The following FAM135A variants were observed in gnomAD, a reference collection of about 807,000 sequenced individuals.
FAM135A encodes protein FAM135A.
FAM135A carries 79 observed loss-of-function variants against 146.8 expected under a neutral mutation model. The ratio of observed to expected loss-of-function variants is 0.54; its 90% CI spans 0.45 to 0.65. The LOEUF is 0.65. Among genes scored for constraint, FAM135A ranks in the 30% least tolerant of loss-of-function variants. FAM135A has a pLI of 0.00. For missense variants in FAM135A, 1,623 were observed against 1,758.2 expected (o/e 0.92, Z 1.38); for synonymous variants, 562 against 603.6 (o/e 0.93, Z 1.01).
At position 70,524,676 on chromosome 6, in the gene FAM135A, C is replaced by CAAAT. The variant is rs1427208571; in HGVS notation, c.1593_1596dup (p.Asp533LysfsTer2). On this transcript the variant is annotated frameshift_variant, in exon 15 of 22. Coordinates refer to ENST00000418814, the MANE Select transcript of FAM135A (RefSeq NM_001162529.3). LOFTEE classifies it high-confidence loss of function. ...TACAAATGTTTGAAAAGTACAGCATCAAATGATCTCATTAAATGCTTTGAA... is the reference window on the plus strand; with the variant it reads ...TACAAATGTTTGAAAAGTACAGCATCAAATAAATGATCTCATTAAATGCTTTGAA... The CAAAT allele has an allele frequency of 6.4e-7, 1 of 1,550,902 alleles. No individual in the cohort carries two copies. Among genetic ancestry groups the CAAAT allele is most frequent in the East Asian group, 2.4e-5 (1 of 40,916 alleles).
intron 10 of FAM135A, chr6:70,486,030 G>T (rs1164371384): frequency 7.2e-6 from 4 of 556,598 alleles, no homozygotes; most frequent in African/African-American, 1.9e-5. Flanking sequence ...TACATCATTT[G>T]TAATTTTGAT....
In FAM135A at chr6:70,548,890, A is replaced by G. The variant is rs186185822; in HGVS notation, c.4229-7860A>G. Among the ~76,000 whole-genome samples, 491 of 152,132 alleles carry G rather than the reference A, an allele frequency of 3.2e-3. 3 individuals carry two copies. The highest frequency in any genetic ancestry group is 0.011 in the African/African-American group (461 of 41,564). On this transcript the variant is annotated intron_variant, in intron 20 of 21. Coordinates refer to ENST00000418814, the MANE Select transcript of FAM135A (RefSeq NM_001162529.3). Reference sequence around the variant, plus strand: ...AACCCAAAAGAAAAAAATGGACAAAAGAGAAAAGAGGCAGTTAGCTACCAA... The same window carrying G: ...AACCCAAAAGAAAAAAATGGACAAAGGAGAAAAGAGGCAGTTAGCTACCAA...
At chr6:70,492,066 CT>C in intron 11 of FAM135A, among the ~76,000 whole-genome samples, 1 of 151,762 alleles carries the variant, frequency 6.6e-6, no homozygotes, top group African/African-American at 2.4e-5. Context: ...CTAAGAAAAA[CT>C]TTTTTTAAAA....
At chr6:70,548,739 G>A (rs1799292522) in intron 20 of FAM135A, among the ~76,000 whole-genome samples, 1 of 152,002 alleles carries the variant, frequency 6.6e-6, no homozygotes, top group Admixed American at 6.6e-5. Context: ...AATTTGTGAG[G>A]AAGTTTTAAT....
chr6:70,528,501 T>C, intron 16 of FAM135A, 49 bp downstream of exon 16: 1 of 1,389,418 alleles, frequency 7.2e-7, no homozygotes, highest in Non-Finnish European at 9.4e-7. Flanking sequence ...TATATTTTTT[T>C]CCTAATAGAT....
chr6:70,488,642 A>T (rs561677831), intron 10 of FAM135A, among the ~76,000 whole-genome samples: 1 of 152,116 alleles, frequency 6.6e-6, no homozygotes, highest in Non-Finnish European at 1.5e-5. Flanking sequence ...ATGGCCTACT[A>T]TTCACTGAAA....
At chr6:70,511,021 C>G (rs139945446) in intron 12 of FAM135A, among the ~76,000 whole-genome samples, 268 of 152,010 alleles carry the variant, frequency 1.8e-3, no homozygotes, top group Non-Finnish European at 2.4e-3. Flanking sequence ...TTTGCAGTAC[C>G]CTAATGACTA....
At chr6:70,442,514 T>G (rs1431134075) in intron 4 of FAM135A, among the ~76,000 whole-genome samples, 1 of 152,166 alleles carries the variant, frequency 6.6e-6, no homozygotes, top group Non-Finnish European at 1.5e-5. Context: ...CCTCATCCCA[T>G]AGGTAACCAT....
chr6:70,556,551 A>G (rs906238574), intron 20 of FAM135A, 199 bp from the exon 21 acceptor site: 24 of 463,908 alleles, frequency 5.2e-5, no homozygotes, highest in Non-Finnish European at 8.4e-5. Flanking sequence ...TTATATCAGC[A>G]TCAAGACTAC....
chr6:70,556,778 AGT>A lies in FAM135A; in HGVS notation c.4259_4260del (p.Val1420GlyfsTer16), dbSNP rs1800928035. 1 of 1,612,644 alleles carries A rather than the reference AGT, an allele frequency of 6.2e-7. No homozygotes were observed. Among genetic ancestry groups the A allele is most frequent in the Admixed American group, 1.7e-5 (1 of 59,756 alleles). ...GLHYFKNVVL[V>X]GSLQDRYVPY... Reference sequence around the variant, plus strand: ...TTCATTATTTCAAAAATGTTGTGCTAGTGGGATCCCTACAGGATCGCTATGTT... The same window carrying A: ...TTCATTATTTCAAAAATGTTGTGCTAGGGATCCCTACAGGATCGCTATGTT... On this transcript the variant is annotated frameshift_variant, in exon 21 of 22. Coordinates refer to ENST00000418814, the MANE Select transcript of FAM135A (RefSeq NM_001162529.3). LOFTEE classifies it high-confidence loss of function.
rs1214632863 is a variant in FAM135A, at chr6:70,528,077, G to C, written c.3615-215G>C. 3.9e-5 allele frequency among the ~76,000 whole-genome samples: 6 copies of C among 152,218 alleles called. No homozygotes were observed. The East Asian group carries it at 9.6e-4, about 24-fold the overall frequency. On this transcript the variant is annotated intron_variant, in intron 15 of 21. Coordinates refer to ENST00000418814, the MANE Select transcript of FAM135A (RefSeq NM_001162529.3). Reference sequence around the variant, plus strand: ...AAAGAATATTTTCAAGTGATTTCAGGTTTAAAGTGTTCATTGTATTTGATA... The same window carrying C: ...AAAGAATATTTTCAAGTGATTTCAGCTTTAAAGTGTTCATTGTATTTGATA...
At chr6:70,501,825 G>T (rs866849374) in intron 11 of FAM135A, among the ~76,000 whole-genome samples, 13 of 152,256 alleles carry the variant, frequency 8.5e-5, no homozygotes, top group Middle Eastern at 3.4e-3. Flanking sequence ...TGATGAACTG[G>T]GTACCTCAGT....
At chr6:70,552,750 G>A (rs1046967202) in intron 20 of FAM135A, among the ~76,000 whole-genome samples, 2 of 151,980 alleles carry the variant, frequency 1.3e-5, no homozygotes, top group Non-Finnish European at 2.9e-5. Flanking sequence ...TTACAGGCAC[G>A]AGCCACTGCG....
At chr6:70,448,671 G>A (rs111480698) in intron 4 of FAM135A, among the ~76,000 whole-genome samples, 8,859 of 152,130 alleles carry the variant, frequency 0.058, 717 homozygotes, top group African/African-American at 0.18. Flanking sequence ...TGAGAGCCCC[G>A]AACAAAGATT....
intron 5 of FAM135A, among the ~76,000 whole-genome samples, chr6:70,474,255 C>G (rs567182210): frequency 1.4e-3 from 213 of 152,140 alleles, no homozygotes; most frequent in African/African-American, 4.8e-3. Flanking sequence ...ACCTTGATCT[C>G]TAGTTTCTTT....
chr6:70,534,638 G>A (rs1252297976), intron 18 of FAM135A, among the ~76,000 whole-genome samples: 2 of 152,096 alleles, frequency 1.3e-5, no homozygotes, highest in Non-Finnish European at 2.9e-5. Flanking sequence ...GTATACTTTT[G>A]TGAGTCAGTT....
chr6:70,437,235 G>C (rs1773385966), intron 4 of FAM135A, among the ~76,000 whole-genome samples: 1 of 152,084 alleles, frequency 6.6e-6, no homozygotes, highest in Non-Finnish European at 1.5e-5. Context: ...AGTTCCACCT[G>C]TAAATAACAA....
At chr6:70,419,624 C>T (rs950440787) in intron 2 of FAM135A, among the ~76,000 whole-genome samples, 6 of 152,128 alleles carry the variant, frequency 3.9e-5, no homozygotes, top group Admixed American at 2.0e-4. Context: ...ATGCAGATTA[C>T]GTGTTTTTCC....
rs757446854 is a variant in FAM135A at position 70,477,110 on chromosome 6, G to A, written c.369-49G>A. The A allele has an allele frequency of 1.0e-5, 16 of 1,533,586 alleles. No individual in the cohort carries two copies. The Middle Eastern group carries it at 8.7e-4, about 84-fold the overall frequency. The allele number at this position is 1,533,586 out of a possible 1,614,324, so 95.0% of individuals were successfully genotyped here. ...GTTTCAACTACTTTATAATATATTG[G>A]CGTTTACTAAATGTTTCATACTTAC... On this transcript the variant is annotated intron_variant, in intron 7 of 21. Transcript: ENST00000418814.
Sources: gnomAD v4.1 joint callset for allele counts (sites outside exome capture counted in the v4.1 genomes callset) on GRCh38, gnomAD v4.1.1 for gene constraint, MANE v1.5 for transcripts, NCBI Gene and HGNC (gene_info 2026-07-23, HGNC 2026-07-21) for gene names.